The following PPP1R1C variants were observed in gnomAD, a reference collection of about 807,000 sequenced individuals.
PPP1R1C encodes the protein protein phosphatase 1 regulatory inhibitor subunit 1C, also known as protein phosphatase 1 regulatory subunit 1C.
A neutral mutation model predicts 17.4 loss-of-function variants in PPP1R1C; 15 were observed. The ratio of observed to expected loss-of-function variants is 0.86; its 90% CI spans 0.58 to 1.33. The LOEUF (loss-of-function observed/expected upper bound fraction) is 1.33. Ranked by LOEUF, PPP1R1C falls within the 40% of genes most tolerant of loss-of-function variation. PPP1R1C has a pLI of 0.00. For synonymous variants in PPP1R1C, 35 were observed against 43.1 expected (o/e 0.81, Z 0.73); for missense variants, 143 against 130.0 (o/e 1.10, Z -0.48).
At chr2:182,005,422 T>C (rs1685889888) in intron 2 of PPP1R1C, among the ~76,000 whole-genome samples, 1 of 152,222 alleles carries the variant, frequency 6.6e-6, no homozygotes, top group African/African-American at 2.4e-5. Flanking sequence ...CTCAGTTCAA[T>C]ATATCCATTC....
At chr2:182,087,216 T>C (rs1482822841) in intron 4 of PPP1R1C, among the ~76,000 whole-genome samples, 1 of 152,230 alleles carries the variant, frequency 6.6e-6, no homozygotes, top group Admixed American at 6.5e-5. Context: ...CTGCAGTTTA[T>C]TCTTAATACA....
chr2:182,126,471 C>T (rs1018054789), intron 5 of PPP1R1C, among the ~76,000 whole-genome samples: 6 of 151,898 alleles, frequency 4.0e-5, no homozygotes. Flanking sequence ...GATTTTATAA[C>T]ATCATAACAT....
At chr2:181,995,969 AGGACAGTAGGCTGTGGTGG>A (rs1301516859) in intron 2 of PPP1R1C, among the ~76,000 whole-genome samples, 5 of 152,144 alleles carry the variant, frequency 3.3e-5, no homozygotes, top group Non-Finnish European at 5.9e-5. Flanking sequence ...GGCCCTAAGA[AGGACAGTAGGCTGTGGTGG>A]GGACTGTAGT....
intron 4 of PPP1R1C, among the ~76,000 whole-genome samples, chr2:182,086,703 A>T (rs1203880426): frequency 6.6e-6 from 1 of 152,198 alleles, no homozygotes; most frequent in Non-Finnish European, 1.5e-5. Context: ...CAAGATAGGA[A>T]CTTAAGAATT....
chr2:182,097,488 G>T (rs1226069002), intron 4 of PPP1R1C, among the ~76,000 whole-genome samples: 1 of 152,162 alleles, frequency 6.6e-6, no homozygotes, highest in Non-Finnish European at 1.5e-5. Context: ...ATACACACCA[G>T]TTCTAAGTGA....
intron 4 of PPP1R1C, among the ~76,000 whole-genome samples, chr2:182,066,651 T>C (rs997382826): frequency 1.3e-5 from 2 of 152,148 alleles, no homozygotes; most frequent in African/African-American, 2.4e-5. Context: ...ATTTATGATA[T>C]ATATTGTGCA....
In PPP1R1C at chr2:181,962,003, A is replaced by C. The variant is rs1684807116; in HGVS notation, n.111+7369A>C. On this transcript the variant is annotated intron_variant and non_coding_transcript_variant, in intron 1 of 5. Coordinates refer to the PPP1R1C transcript ENST00000464264. The surrounding 1 kb of genome is among the most constrained non-coding windows in gnomAD (Gnocchi z 6.0). ...CTTGACTCTAAAGTCATCGGCTGCA[A>C]GACAGGCATTGTCAATCTGCAAAAC... 2.7e-6 allele frequency: 2 copies of C among 732,012 alleles called. No individual in the cohort carries two copies. The highest frequency in any genetic ancestry group is 5.0e-6 in the Non-Finnish European group (2 of 396,078). 45.3% of individuals were successfully genotyped at this position (732,012 alleles called of 1,614,324 possible).
chr2:182,071,777 ATTAC>A (rs1456915557), intron 4 of PPP1R1C, among the ~76,000 whole-genome samples: 1 of 152,160 alleles, frequency 6.6e-6, no homozygotes, highest in Non-Finnish European at 1.5e-5. Context: ...TCAATACTAT[ATTAC>A]TTACTTTGTT....
Position 182,087,275 on chromosome 2 carries a change from T to C in PPP1R1C, c.241+23484T>C, listed in dbSNP as rs766786220. Among the ~76,000 whole-genome samples, 189 of 152,330 alleles carry C rather than the reference T, an allele frequency of 1.2e-3. 1 individual carries two copies. The highest frequency in any genetic ancestry group is 6.8e-3 in the Middle Eastern group (2 of 292). On this transcript the variant is annotated intron_variant, in intron 4 of 4. Coordinates refer to ENST00000682840, the MANE Select transcript of PPP1R1C (RefSeq NM_001080545.3). The stretch of plus-strand genomic sequence containing the variant: ...CGTAATGCCTGCAAGGCCCAGGAGC[T>C]GTAGCCTGTGACCTGTCTGACCTCT...
intron 2 of PPP1R1C, among the ~76,000 whole-genome samples, chr2:182,057,991 C>T (rs1245193949): frequency 6.6e-6 from 1 of 152,000 alleles, no homozygotes; most frequent in Non-Finnish European, 1.5e-5. Flanking sequence ...CATTGAGTCC[C>T]ATGGAGCACC....
At chr2:182,019,462 C>A (rs924915753) in intron 2 of PPP1R1C, among the ~76,000 whole-genome samples, 1 of 152,170 alleles carries the variant, frequency 6.6e-6, no homozygotes, top group East Asian at 1.9e-4. Flanking sequence ...TTGGTGGCCA[C>A]CCTCAGCTCT....
At chr2:182,076,192 C>CTTTTGTTTTTT in intron 4 of PPP1R1C, among the ~76,000 whole-genome samples, 1 of 25,858 alleles carries the variant, frequency 3.9e-5, no homozygotes, top group South Asian at 1.5e-3. Context: ...TTTTTTTTTT[C>CTTTTGTTTTTT]TTTTCTTTTT....
At chr2:181,973,890 A>G (rs1319039263) in intron 1 of PPP1R1C, among the ~76,000 whole-genome samples, 1 of 152,132 alleles carries the variant, frequency 6.6e-6, no homozygotes, top group Admixed American at 6.5e-5. Context: ...TTTAAAAAAT[A>G]TTTTGAAAAG....
chr2:181,989,741 C>A (rs1438171186), intron 2 of PPP1R1C, among the ~76,000 whole-genome samples: 1 of 152,042 alleles, frequency 6.6e-6, no homozygotes, highest in Admixed American at 6.5e-5. Flanking sequence ...TTTTTAAGCA[C>A]CACTGGAGAC....
intron 5 of PPP1R1C, among the ~76,000 whole-genome samples, chr2:182,124,762 C>T (rs1004277135): frequency 2.0e-5 from 3 of 152,166 alleles, no homozygotes; most frequent in Admixed American, 6.5e-5. Flanking sequence ...TGAGACTTCA[C>T]TGAAGTTGCT....
At chr2:181,982,657 TA>T (rs958932733), upstream of PPP1R1C, among the ~76,000 whole-genome samples, 42 of 152,126 alleles carry the variant, frequency 2.8e-4, no homozygotes, top group Non-Finnish European at 5.3e-4. Flanking sequence ...TAATTTGGGT[TA>T]AAAAAGGGAG....
At chr2:182,046,053 A>C (rs1040099017) in intron 2 of PPP1R1C, among the ~76,000 whole-genome samples, 1 of 151,980 alleles carries the variant, frequency 6.6e-6, no homozygotes, top group African/African-American at 2.4e-5. Context: ...CAAACCAAGT[A>C]TCTCATATAG....
intron 2 of PPP1R1C, among the ~76,000 whole-genome samples, chr2:181,996,932 T>C (rs1685627428): frequency 6.6e-6 from 1 of 152,196 alleles, no homozygotes; most frequent in Admixed American, 6.5e-5. Context: ...AACAGAGTAT[T>C]AGAAGACATA....
chr2:182,043,149 A>T (rs1232173149), intron 2 of PPP1R1C, among the ~76,000 whole-genome samples: 3 of 152,244 alleles, frequency 2.0e-5, no homozygotes, highest in Non-Finnish European at 4.4e-5. Flanking sequence ...TCACAGAGTT[A>T]TATTTAGATG....
Sources: gnomAD v4.1 joint callset for allele counts (sites outside exome capture counted in the v4.1 genomes callset) on GRCh38, gnomAD v4.1.1 for gene constraint, Gnocchi (gnomAD v3.1) non-coding constraint, MANE v1.5 for transcripts, NCBI Gene and HGNC (gene_info 2026-07-23, HGNC 2026-07-21) for gene names.